Variants in CRISPLD2 observed in about 807,000 individuals in gnomAD.
The protein encoded by CRISPLD2 is cysteine rich secretory protein LCCL domain containing 2.
CRISPLD2 carries 47 observed loss-of-function variants against 71.1 expected under a neutral mutation model. The ratio of observed to expected loss-of-function variants is 0.66; its 90% CI spans 0.52 to 0.84. CRISPLD2 has a LOEUF of 0.84. Among genes scored for constraint, CRISPLD2 ranks in the 40% least tolerant of loss-of-function variants. CRISPLD2 has a pLI of 0.00. For missense variants in CRISPLD2, 830 were observed against 651.1 expected (o/e 1.27, Z -2.99); for synonymous variants, 317 against 250.1 (o/e 1.27, Z -2.52).
chr16:84,871,358 C>G (rs1161980574), intron 8 of CRISPLD2, among the ~76,000 whole-genome samples: 1 of 152,058 alleles, frequency 6.6e-6, no homozygotes, highest in African/African-American at 2.4e-5. Context: ...GAGTTCGAAA[C>G]CAGCCTGGGC....
At chr16:84,831,395 T>A (rs1198097260) in intron 1 of CRISPLD2, among the ~76,000 whole-genome samples, 1 of 152,138 alleles carries the variant, frequency 6.6e-6, no homozygotes, top group African/African-American at 2.4e-5. Context: ...CCCCAAGCAT[T>A]GGACATTTAA....
At position 84,849,405 on chromosome 16, in the gene CRISPLD2, A is replaced by G. The variant is rs748774112; in HGVS notation, c.380A>G (p.His127Arg). The G allele has an allele frequency of 1.9e-5, 31 of 1,613,890 alleles. No individual in the cohort carries two copies. The highest frequency in any genetic ancestry group is 3.4e-6 in the Non-Finnish European group (4 of 1,179,918). The change falls in exon 4 of 15, where the codon CAT becomes CGT. Residue 127 changes from histidine (H) to arginine (R), a missense_variant. By Grantham distance (29) the His-to-Arg change is conservative. Transcript: ENST00000262424. ...HWGRYRSPGF[H>R]VQSWYDEVKD... ...TGCAGGTATCGCTCTCCGGGGTTCC[A>G]TGTGCAGTCCTGGTATGACGAGGTG...
intron 8 of CRISPLD2, among the ~76,000 whole-genome samples, chr16:84,871,437 A>G (rs1388563585): frequency 6.6e-6 from 1 of 151,512 alleles, no homozygotes; most frequent in African/African-American, 2.4e-5. Context: ...TACTTGGGAG[A>G]CTGAGGTGGG....
chr16:84,887,683 C>T (rs921264753), intron 13 of CRISPLD2, among the ~76,000 whole-genome samples: 8 of 152,278 alleles, frequency 5.3e-5, no homozygotes, highest in African/African-American at 1.7e-4. Flanking sequence ...TCGACACCAG[C>T]CTGACCAATA....
At chr16:84,898,500 C>A (rs188886860) in intron 14 of CRISPLD2, among the ~76,000 whole-genome samples, 1 of 152,192 alleles carries the variant, frequency 6.6e-6, no homozygotes, top group African/African-American at 2.4e-5. Flanking sequence ...GGCTCTCATA[C>A]GTTCCTGGGC....
chr16:84,880,186 G>C (rs2071556118), intron 12 of CRISPLD2, among the ~76,000 whole-genome samples: 2 of 152,142 alleles, frequency 1.3e-5, no homozygotes, highest in South Asian at 2.1e-4. Flanking sequence ...CAACATCCAA[G>C]AATGGGAGGG....
chr16:84,891,049 G>A (rs1290199524), intron 14 of CRISPLD2, among the ~76,000 whole-genome samples: 1 of 152,182 alleles, frequency 6.6e-6, no homozygotes, highest in Non-Finnish European at 1.5e-5. Context: ...TCACAGGTGT[G>A]AGCCACCGCA....
rs1186542502 is a variant in CRISPLD2 at position 84,873,771 on chromosome 16, T to C, written c.1113-149T>C. 3 of 746,890 alleles carry C rather than the reference T, an allele frequency of 4.0e-6. No homozygotes were observed. The East Asian group carries it at 8.3e-5, about 21-fold the overall frequency. The allele number at this position is 746,890 out of a possible 1,614,324, so 46.3% of individuals were successfully genotyped here. On this transcript the variant is annotated intron_variant, in intron 10 of 14. Coordinates refer to ENST00000262424, the MANE Select transcript of CRISPLD2 (RefSeq NM_031476.4). Reference sequence around the variant, plus strand: ...TAAGATGCCCTGGTCTAGAACATTCTAAGAGCTCTCAGGCTGATAGGAAAC... The same window carrying C: ...TAAGATGCCCTGGTCTAGAACATTCCAAGAGCTCTCAGGCTGATAGGAAAC...
At chr16:84,854,599 C>G in intron 5 of CRISPLD2, 130 bp from the exon 6 acceptor site, 5 of 698,366 alleles carry the variant, frequency 7.2e-6, no homozygotes, top group Non-Finnish European at 1.3e-5. Context: ...CCGCTTCCCA[C>G]AGCACACAAC....
chr16:84,861,677 C>T (rs1917385627), intron 6 of CRISPLD2, among the ~76,000 whole-genome samples: 1 of 152,158 alleles, frequency 6.6e-6, no homozygotes, highest in Non-Finnish European at 1.5e-5. Context: ...TTCTTCAATC[C>T]AGTCAAGCTG....
intron 10 of CRISPLD2, chr16:84,873,642 T>G (rs1374480623): frequency 2.8e-6 from 1 of 356,526 alleles, no homozygotes; most frequent in Non-Finnish European, 4.9e-6. Context: ...ATTTTGCAGC[T>G]GTGGTTAGAT....
chr16:84,852,094 C>A (rs1437123426), intron 5 of CRISPLD2, among the ~76,000 whole-genome samples: 1 of 152,212 alleles, frequency 6.6e-6, no homozygotes, highest in Non-Finnish European at 1.5e-5. Context: ...CTTCCTGGCT[C>A]ACCAACGGCC....
rs961225393 is a variant in CRISPLD2 at position 84,880,535 on chromosome 16, A to T, written c.1256A>T (p.Asp419Val). 2.5e-6 allele frequency: 4 copies of T among 1,613,722 alleles called. No homozygotes were observed. The African/African-American group carries it at 5.3e-5, about 22-fold the overall frequency. ...PRIHCPAHCK[D>V]EPSYWAPVFG... ...ATCCATTGTCCGGCACACTGCAAAG[A>T]CGAACCTTCCTACTGGGCTCCGGTG... The change falls in exon 13 of 15, where the codon GAC (aspartate) becomes GTC (valine). Residue 419 changes from aspartate to valine, a missense_variant. Transcript: ENST00000262424.
At chr16:84,835,652 T>C in intron 1 of CRISPLD2, among the ~76,000 whole-genome samples, 1 of 152,202 alleles carries the variant, frequency 6.6e-6, no homozygotes, top group East Asian at 1.9e-4. Context: ...TCCTCTCCCC[T>C]TTTCCTTCTG....
At chr16:84,869,741 G>A (rs2071449435) in intron 8 of CRISPLD2, among the ~76,000 whole-genome samples, 1 of 152,400 alleles carries the variant, frequency 6.6e-6, no homozygotes, top group South Asian at 2.1e-4. Context: ...GCGCCTGGCA[G>A]GGGCCTCCGC....
chr16:84,872,499 C>T lies in CRISPLD2; in HGVS notation c.972C>T (p.Phe324=), dbSNP rs201194618. ...AGGCGAAGATCTTTGGAACTCTGTT[C>T]TATGAAAGCGTGAGTGTGGCCAGTC... The part of the protein sequence containing the change: ...NHKAKIFGTL[F]YESSSSICRA... Residue 324 remains phenylalanine, a synonymous_variant, in exon 9 of 15, where the codon TTC becomes TTT. Transcript: ENST00000262424. 33 of 1,613,582 alleles carry T rather than the reference C, an allele frequency of 2.0e-5. No homozygotes were observed. The East Asian group carries it at 7.4e-4, about 36-fold the overall frequency.
In CRISPLD2 at chr16:84,854,847, A is replaced by C. The variant is rs752933535; in HGVS notation, c.709+18A>C. 15 of 1,587,978 alleles carry C rather than the reference A, an allele frequency of 9.4e-6. No individual in the cohort carries two copies. Among genetic ancestry groups the C allele is most frequent in the Non-Finnish European group, 1.2e-5 (14 of 1,156,338 alleles). On this transcript the variant is annotated intron_variant, in intron 6 of 14. Coordinates refer to ENST00000262424, the MANE Select transcript of CRISPLD2 (RefSeq NM_031476.4). ...TTACCGAGGTAGGAAATTTACTCCC[A>C]ACACTTTTGCAATGAATTTGCCCTC...
intron 2 of CRISPLD2, among the ~76,000 whole-genome samples, chr16:84,843,471 C>G (rs1260061176): frequency 6.6e-6 from 1 of 152,202 alleles, no homozygotes; most frequent in Admixed American, 6.5e-5. Context: ...TATGAGTGGA[C>G]AGGCTCTGGA....
intron 8 of CRISPLD2, 52 bp from the exon 9 acceptor site, chr16:84,872,390 G>T: frequency 7.2e-7 from 1 of 1,393,178 alleles, no homozygotes. Context: ...CTCATTGTGA[G>T]ATGTAATCAA....
Sources: allele counts gnomAD v4.1 joint callset (sites outside exome capture counted in the v4.1 genomes callset), GRCh38; gene constraint gnomAD v4.1.1; transcripts MANE v1.5; gene names NCBI Gene and HGNC (gene_info 2026-07-23, HGNC 2026-07-21).